VWA5B1: variants seen among roughly 807,000 people sequenced by gnomAD.
VWA5B1 encodes von Willebrand factor A domain containing 5B1.
In VWA5B1, 115 loss-of-function variants were observed where a neutral mutation model predicts 118.2. The observed-to-expected ratio is 0.97, with a 90% CI of 0.84 to 1.14. The LOEUF (loss-of-function observed/expected upper bound fraction) is 1.14. Ranked by LOEUF, VWA5B1 falls within the 50% of genes most tolerant of loss-of-function variation. The pLI is 0.00. For synonymous variants in VWA5B1, 682 were observed against 658.4 expected, an observed-to-expected ratio of 1.04 and a Z score of -0.55; for missense variants, 1,596 against 1,603.8, an observed-to-expected ratio of 1.00 and a Z score of 0.08.
At chr1:20,346,964 C>G (rs575252310) in intron 17 of VWA5B1, among the ~76,000 whole-genome samples, 1 of 152,218 alleles carries the variant, frequency 6.6e-6, no homozygotes, top group African/African-American at 2.4e-5. Context: ...TCAGGCTGTT[C>G]GCTTATTCAT....
chr1:20,310,649 C>G lies in VWA5B1; in HGVS notation c.48C>G (p.Thr16=). The stretch of plus-strand genomic sequence containing the variant: ...TCACGGGGGCAGCCCTGCCCCTCAC[C>G]GCGTCTGATGTTACCTCCTGTGTCA... ...NWITGAALPL[T]ASDVTSCVSG... is the part of the protein sequence containing the mutation. The change falls in exon 2 of 22, where the codon ACC becomes ACG. Residue 16 remains threonine, a synonymous_variant. Coordinates refer to ENST00000289815, the MANE Select transcript of VWA5B1 (RefSeq NM_001039500.3). The G allele has an allele frequency of 6.4e-7, 1 of 1,550,658 alleles. No individual in the cohort carries two copies. Among genetic ancestry groups the G allele is most frequent in the South Asian group, 1.2e-5 (1 of 83,914 alleles).
intron 1 of VWA5B1, among the ~76,000 whole-genome samples, chr1:20,304,719 C>T (rs1162239936): frequency 6.6e-6 from 1 of 152,056 alleles, no homozygotes; most frequent in Non-Finnish European, 1.5e-5. Flanking sequence ...GCAAGACTCG[C>T]TCAGGCAGAG....
At chr1:20,293,420 C>T (rs1187760581) in intron 1 of VWA5B1, among the ~76,000 whole-genome samples, 1 of 152,252 alleles carries the variant, frequency 6.6e-6, no homozygotes, top group African/African-American at 2.4e-5. Context: ...AGGGGCAGCA[C>T]TCCTCCAGGC....
chr1:20,319,327 C>T, intron 6 of VWA5B1, 55 bp from the exon 7 acceptor site: 1 of 1,543,562 alleles, frequency 6.5e-7, no homozygotes, highest in Non-Finnish European at 8.8e-7. Flanking sequence ...AAGCCCCCAG[C>T]ATCCTTCTCC....
rs1056765582 is a variant in VWA5B1, at chr1:20,314,609, C to T, written c.563+17C>T. The T allele has an allele frequency of 1.3e-6, 2 of 1,547,076 alleles. No homozygotes were observed. Among genetic ancestry groups the T allele is most frequent in the African/African-American group, 2.7e-5 (2 of 72,956 alleles). On this transcript the variant is annotated intron_variant, in intron 4 of 21. Transcript: ENST00000289815. ...GGCCCAGGGGTAAGGAAGCCCTGCC[C>T]AGACCAATCAGAGTCCCAGGTGGGC...
intron 2 of VWA5B1, among the ~76,000 whole-genome samples, chr1:20,312,039 G>T (rs78683378): frequency 0.019 from 2,835 of 152,248 alleles, 86 homozygotes; most frequent in African/African-American, 0.064. Context: ...AGCGGAGGTC[G>T]GGGTTTGTGA....
At chr1:20,334,373 T>C (rs1280879005) in intron 12 of VWA5B1, among the ~76,000 whole-genome samples, 1 of 152,174 alleles carries the variant, frequency 6.6e-6, no homozygotes, top group East Asian at 1.9e-4. Context: ...CTGGACGCAG[T>C]CATCAAATCC....
At chr1:20,349,662 A>G (rs1164932905) in intron 18 of VWA5B1, among the ~76,000 whole-genome samples, 2 of 151,376 alleles carry the variant, frequency 1.3e-5, no homozygotes, top group African/African-American at 4.9e-5. Context: ...GATCACAGGC[A>G]TAAGCCACCA....
In VWA5B1 at chr1:20,353,795, C is replaced by T. The variant is rs748026741; in HGVS notation, c.3180C>T (p.Asn1060=). The change falls in exon 22 of 22, where the codon AAC becomes AAT. Residue 1060 remains asparagine (N), a synonymous_variant. Transcript: ENST00000289815. ...TGGCCTCCGGAGCCTTCCTGCTCAA[C>T]GAAGCCTTCTGTGAGGCCACGCACA... is the stretch of plus-strand genomic sequence containing the variant. The part of the protein sequence containing the change: ...LQLASGAFLL[N]EAFCEATHIP... 178 of 1,473,582 alleles carry T rather than the reference C, an allele frequency of 1.2e-4. No individual in the cohort carries two copies. Among genetic ancestry groups the T allele is most frequent in the Non-Finnish European group, 1.5e-4 (168 of 1,110,076 alleles). The allele number at this position is 1,473,582 out of a possible 1,614,324, so 91.3% of individuals were successfully genotyped here.
chr1:20,297,126 A>G (rs2088419605), intron 1 of VWA5B1, among the ~76,000 whole-genome samples: 1 of 152,180 alleles, frequency 6.6e-6, no homozygotes, highest in Non-Finnish European at 1.5e-5. Context: ...GACCCACTAG[A>G]ATCTCACCTT....
Position 20,343,231 on chromosome 1 carries a change from C to T in VWA5B1, c.2464C>T (p.Arg822Cys), listed in dbSNP as rs770268927. Reference protein sequence around the residue: ...ALVKGLHDSQRLQWEVSFELG... With the variant: ...ALVKGLHDSQCLQWEVSFELG... ...GGTCAAAGGCCTGCACGACAGCCAA[C>T]GCCTGCAGTGGGAGGTGAGCTTCGA... The change falls in exon 16 of 22, where the codon CGC (arginine) becomes TGC (cysteine). Residue 822 changes from arginine (R) to cysteine (C), a missense_variant. By Grantham distance (180) the Arg-to-Cys change is radical. Coordinates refer to ENST00000289815, the MANE Select transcript of VWA5B1 (RefSeq NM_001039500.3). The T allele has an allele frequency of 1.9e-6, 3 of 1,549,390 alleles. No homozygotes were observed. The highest frequency in any genetic ancestry group is 3.9e-5 in the Admixed American group (2 of 50,974).
At chr1:20,338,042 C>T in intron 14 of VWA5B1, 1 of 708,744 alleles carries the variant, frequency 1.4e-6, no homozygotes, top group Middle Eastern at 2.3e-4. Flanking sequence ...TAAGCTCGCT[C>T]ATTCCCTGCA....
chr1:20,329,287 C>CTTTTTTTTTT (rs10578067), intron 9 of VWA5B1, among the ~76,000 whole-genome samples: 2 of 89,216 alleles, frequency 2.2e-5, no homozygotes, highest in Non-Finnish European at 3.9e-5. Context: ...TTTCTTTTCC[C>CTTTTTTTTTT]TTTTTTTTTT....
rs1391515053 is a variant in VWA5B1 at position 20,356,093 on chromosome 1, C to T, written c.*1830C>T. ...AGATGTGAGCGGAGCTTTGTCATCT[C>T]CCTGCACACTCCCCATCCCCTGCCA... On this transcript the variant is annotated 3_prime_UTR_variant, in exon 22 of 22. Coordinates refer to ENST00000289815, the MANE Select transcript of VWA5B1 (RefSeq NM_001039500.3). Among the ~76,000 whole-genome samples the T allele has an allele frequency of 6.6e-6, 1 of 152,214 alleles. No homozygotes were observed. Among genetic ancestry groups the T allele is most frequent in the Non-Finnish European group, 1.5e-5 (1 of 68,032 alleles).
At chr1:20,307,654 C>T (rs552252051) in intron 1 of VWA5B1, among the ~76,000 whole-genome samples, 18 of 152,192 alleles carry the variant, frequency 1.2e-4, no homozygotes, top group Admixed American at 1.1e-3. Flanking sequence ...AACTCCTTGC[C>T]ATGTGGGCTG....
In VWA5B1 at chr1:20,291,359, T is replaced by TTCTTTCTTTCTTTCTC. The variant is rs1381113890; in HGVS notation, c.-27+274_-27+275insTTCTTTCTTTCTCTCT. 1.9e-3 allele frequency among the ~76,000 whole-genome samples: 194 copies of TTCTTTCTTTCTTTCTC among 103,398 alleles called. 3 individuals are homozygous for TTCTTTCTTTCTTTCTC. Among genetic ancestry groups the TTCTTTCTTTCTTTCTC allele is most frequent in the East Asian group, 0.016 (54 of 3,318 alleles). The allele number at this position is 103,398 out of a possible 152,430, so 67.8% of individuals were successfully genotyped here. A position where few individuals can be genotyped will look rare whatever the true frequency, so the allele number is the denominator to read the frequency against. ...TCTCTCTCTTTCTTTCTTTCTTTCT[T>TTCTTTCTTTCTTTCTC]TCTCTCTCTCTCTCTCTCTCTCTCT... On this transcript the variant is annotated intron_variant, in intron 1 of 21. Transcript: ENST00000289815.
chr1:20,352,093 C>G lies in VWA5B1; in HGVS notation c.3062C>G (p.Ala1021Gly), dbSNP rs1322596599. Residue 1021 changes from alanine (A) to glycine (G), a missense_variant, in exon 21 of 22, where the codon GCC becomes GGC. Ala to Gly is a moderately conservative substitution (Grantham distance 60). Coordinates refer to ENST00000289815, the MANE Select transcript of VWA5B1 (RefSeq NM_001039500.3). ...AAGTCCAGGCTACTGACGCGAGCAG[C>G]CAAGGGCTTCCTGAGCAAGCCACTG... ...LNKSRLLTRA[A>G]KGFLSKPLIK... 4.6e-5 allele frequency: 72 copies of G among 1,551,176 alleles called. No individual in the cohort carries two copies. Among genetic ancestry groups the G allele is most frequent in the Non-Finnish European group, 6.2e-5 (71 of 1,146,960 alleles).
At chr1:20,333,589 G>T (rs1406109581) in intron 12 of VWA5B1, among the ~76,000 whole-genome samples, 1 of 152,224 alleles carries the variant, frequency 6.6e-6, no homozygotes, top group Non-Finnish European at 1.5e-5. Context: ...AAGTGATATG[G>T]TGCACACTTT....
chr1:20,295,146 A>T (rs766423897), intron 1 of VWA5B1, among the ~76,000 whole-genome samples: 2 of 152,120 alleles, frequency 1.3e-5, no homozygotes, highest in Non-Finnish European at 2.9e-5. Context: ...ACCCAGCAGG[A>T]TGAGTAGGTT....
Sources: allele counts gnomAD v4.1 joint callset (sites outside exome capture counted in the v4.1 genomes callset), GRCh38; gene constraint gnomAD v4.1.1; transcripts MANE v1.5; gene names NCBI Gene and HGNC (gene_info 2026-07-23, HGNC 2026-07-21).